MAP3K20: variants seen among roughly 807,000 people sequenced by gnomAD.
MAP3K20 encodes the protein HCCS-4.
MAP3K20 carries 40 observed loss-of-function variants against 85.7 expected under a neutral mutation model. That is an observed-to-expected ratio of 0.47 (90% CI 0.36 to 0.61). The LOEUF (loss-of-function observed/expected upper bound fraction) is 0.61, where lower values mean the gene tolerates loss of function less well. Among genes scored for constraint, MAP3K20 ranks in the 20% least tolerant of loss-of-function variants. The pLI is 0.00. For missense variants in MAP3K20, 817 were observed against 961.7 expected, an observed-to-expected ratio of 0.85 and a Z score of 1.99; for synonymous variants, 325 against 327.7, an observed-to-expected ratio of 0.99 and a Z score of 0.09.
intron 1 of MAP3K20, among the ~76,000 whole-genome samples, chr2:173,078,527 T>A (rs1559221724): frequency 6.6e-6 from 1 of 152,190 alleles, no homozygotes; most frequent in Non-Finnish European, 1.5e-5. Context: ...GGAAGAGGAC[T>A]ATGAATGCTA....
intron 2 of MAP3K20, among the ~76,000 whole-genome samples, chr2:173,099,639 T>C (rs997144618): frequency 3.9e-5 from 6 of 152,204 alleles, no homozygotes; most frequent in African/African-American, 1.4e-4. Context: ...ATCCTACCCA[T>C]TCTTCAGCTG....
At chr2:173,230,753 T>G (rs1431227980) in intron 12 of MAP3K20, among the ~76,000 whole-genome samples, 1 of 152,134 alleles carries the variant, frequency 6.6e-6, no homozygotes, top group African/African-American at 2.4e-5. Flanking sequence ...CCCAGCACTT[T>G]GGGAGGCTGA....
Position 173,232,552 on chromosome 2 carries a change from G to A in MAP3K20, c.1203+93G>A, listed in dbSNP as rs1304587900. On this transcript the variant is annotated intron_variant, in intron 14 of 19. Transcript: ENST00000375213. The stretch of plus-strand genomic sequence containing the variant: ...AGAGTCTTGCTCTGTTGCCCAGGCT[G>A]GAGTGCAAAGGCACAATCTTGGCTC... 23 of 1,538,534 alleles carry A rather than the reference G, an allele frequency of 1.5e-5. 1 individual carries two copies. The highest frequency in any genetic ancestry group is 2.6e-5 in the South Asian group (2 of 78,038).
intron 2 of MAP3K20, among the ~76,000 whole-genome samples, chr2:173,107,027 C>T (rs1162681483): frequency 6.6e-6 from 1 of 152,126 alleles, no homozygotes; most frequent in African/African-American, 2.4e-5. Context: ...TGAAAATTCC[C>T]ACATCCAGAC....
chr2:173,110,230 TATATATA>T lies in MAP3K20; in HGVS notation c.159+19041_159+19047del, dbSNP rs1559235174. The stretch of plus-strand genomic sequence containing the variant: ...ATATATATATATATATATATATATA[TATATATA>T]TATATTTTTTTTTTTTTTTTTTTTT... On this transcript the variant is annotated intron_variant, in intron 2 of 19. Transcript: ENST00000375213. 4.0e-3 allele frequency among the ~76,000 whole-genome samples: 49 copies of T among 12,390 alleles called. 1 individual carries two copies. Among genetic ancestry groups the T allele is most frequent in the South Asian group, 4.9e-3 (1 of 206 alleles). The allele number at this position is 12,390 out of a possible 152,430, so 8.1% of individuals were successfully genotyped here. A position where few individuals can be genotyped will look rare whatever the true frequency, so the allele number is the denominator to read the frequency against.
intron 16 of MAP3K20, among the ~76,000 whole-genome samples, chr2:173,255,292 T>C (rs1427727217): frequency 6.6e-6 from 1 of 152,168 alleles, no homozygotes; most frequent in Non-Finnish European, 1.5e-5. Flanking sequence ...GCTGGACCCA[T>C]TTATGGAGCT....
intron 2 of MAP3K20, among the ~76,000 whole-genome samples, chr2:173,105,983 A>G (rs1687773709): frequency 6.6e-6 from 1 of 152,254 alleles, no homozygotes; most frequent in South Asian, 2.1e-4. Flanking sequence ...GATAAATTTA[A>G]CAAAAGTCTG....
intron 9 of MAP3K20, among the ~76,000 whole-genome samples, chr2:173,205,908 C>T (rs938448063): frequency 2.6e-5 from 4 of 152,068 alleles, no homozygotes; most frequent in Admixed American, 2.6e-4. Context: ...AGAGAAATGC[C>T]TACACTTTGC....
chr2:173,197,975 C>A, intron 7 of MAP3K20, 51 bp from the exon 8 acceptor site: 3 of 1,549,762 alleles, frequency 1.9e-6, no homozygotes, highest in African/African-American at 1.4e-5. Flanking sequence ...GTAATATGTA[C>A]CAAAAAATAT....
chr2:173,219,286 G>A (rs1375138909), intron 11 of MAP3K20, among the ~76,000 whole-genome samples: 1 of 152,138 alleles, frequency 6.6e-6, no homozygotes, highest in Non-Finnish European at 1.5e-5. Flanking sequence ...ATAAAAAATT[G>A]TATCATTGAA....
chr2:173,177,734 A>G (rs1690203856), intron 3 of MAP3K20, among the ~76,000 whole-genome samples: 1 of 152,162 alleles, frequency 6.6e-6, no homozygotes. Flanking sequence ...CCGTCCAGAA[A>G]TCAAAGTAGA....
intron 3 of MAP3K20, among the ~76,000 whole-genome samples, chr2:173,174,433 C>T (rs1690095619): frequency 6.6e-6 from 1 of 152,154 alleles, no homozygotes; most frequent in Non-Finnish European, 1.5e-5. Flanking sequence ...GTTCAACTCG[C>T]ACTTATGAGT....
chr2:173,218,119 G>A (rs1259623412), intron 11 of MAP3K20, among the ~76,000 whole-genome samples: 1 of 152,106 alleles, frequency 6.6e-6, no homozygotes, highest in Non-Finnish European at 1.5e-5. Context: ...ATTTTTGATA[G>A]TTGCTATGGT....
intron 10 of MAP3K20, among the ~76,000 whole-genome samples, chr2:173,213,311 T>C (rs992217946): frequency 1.3e-5 from 2 of 152,124 alleles, no homozygotes; most frequent in Non-Finnish European, 2.9e-5. Context: ...GTAAAAGGCG[T>C]ACAGTTGCCT....
chr2:173,091,134 T>C lies in MAP3K20; in HGVS notation c.103T>C (p.Trp35Arg). ...TTTTGGGAGTGTTTATCGAGCCAAA[T>C]GGATATCACAGGACAAGGAGGTGGC... ...GSFGSVYRAK[W>R]ISQDKEVAVK... is the part of the protein sequence containing the mutation. Residue 35 changes from tryptophan to arginine, a missense_variant, in exon 2 of 20, where the codon TGG becomes CGG. Physicochemically the swap from Trp to Arg is moderately radical, Grantham distance 101 (BLOSUM62 -3). Transcript: ENST00000375213. The C allele has an allele frequency of 1.2e-6, 2 of 1,614,016 alleles. No homozygotes were observed.
At chr2:173,082,804 G>A (rs139567178) in intron 1 of MAP3K20, among the ~76,000 whole-genome samples, 2,230 of 152,354 alleles carry the variant, frequency 0.015, 30 homozygotes, top group Middle Eastern at 0.024. Flanking sequence ...GGCCTATGCC[G>A]TGGCCGTAGG....
At chr2:173,205,398 C>T (rs1477213705) in intron 9 of MAP3K20, among the ~76,000 whole-genome samples, 1 of 152,088 alleles carries the variant, frequency 6.6e-6, no homozygotes, top group Non-Finnish European at 1.5e-5. Context: ...ATGGGAATAA[C>T]TAACTCAGAA....
intron 10 of MAP3K20, chr2:173,215,658 A>C (rs1233740948): frequency 1.3e-5 from 2 of 152,316 alleles, no homozygotes; most frequent in South Asian, 2.1e-4. Flanking sequence ...TCTGAGGTGC[A>C]TTTCAGACGA....
rs985145593 is a variant in MAP3K20 at position 173,075,995 on chromosome 2, G to A, written c.-42G>A. On this transcript the variant is annotated 5_prime_UTR_variant, in exon 1 of 20. Coordinates refer to ENST00000375213, the MANE Select transcript of MAP3K20 (RefSeq NM_016653.3). ...CCGGCTGCTGCTCACGCCCCGCCCG[G>A]GAGCCAGGTAGGGGTCAGGCTGGAG... 3.0e-6 allele frequency: 3 copies of A among 984,844 alleles called. No homozygotes were observed. Among genetic ancestry groups the A allele is most frequent in the Non-Finnish European group, 3.6e-6 (3 of 829,672 alleles). 61.0% of individuals were successfully genotyped at this position (984,844 alleles called of 1,614,324 possible).
Sources: allele counts gnomAD v4.1 joint callset (sites outside exome capture counted in the v4.1 genomes callset), GRCh38; gene constraint gnomAD v4.1.1; transcripts MANE v1.5; gene names NCBI Gene and HGNC (gene_info 2026-07-23, HGNC 2026-07-21).